Variants in DISC1 observed in about 807,000 individuals in gnomAD.
The protein encoded by DISC1 is DISC1 scaffold protein, also known as disrupted in schizophrenia 1 protein.
In DISC1, 57 loss-of-function variants were observed where a neutral mutation model predicts 84.5. The observed-to-expected ratio is 0.67, with a 90% CI of 0.55 to 0.84. The LOEUF is 0.84. Among genes scored for constraint, DISC1 ranks in the 40% least tolerant of loss-of-function variants. The probability of loss-of-function intolerance (pLI) is 0.00; values close to 1 mark genes in which losing one functional copy is unlikely to be tolerated. For synonymous variants in DISC1, 411 were observed against 415.2 expected (o/e 0.99, Z 0.12); for missense variants, 1,000 against 1,057.8 (o/e 0.95, Z 0.76).
intron 3 of DISC1, among the ~76,000 whole-genome samples, chr1:231,704,979 A>C (rs893372932): frequency 6.6e-6 from 1 of 152,074 alleles, no homozygotes; most frequent in African/African-American, 2.4e-5. Context: ...TATGCAGTCC[A>C]GGAGGGGAAA....
At position 231,833,705 on chromosome 1, in the gene DISC1, T is replaced by G. The variant is rs560360855; in HGVS notation, c.1981+15188T>G. Among the ~76,000 whole-genome samples the G allele has an allele frequency of 1.8e-4, 28 of 152,322 alleles. No homozygotes were observed. In the South Asian group the frequency reaches 5.6e-3, roughly 30 times the overall value. ...CTGGGGGAGGCAGGCCTGGAGGAAC[T>G]CCTGGTCACTGCGGTTTAGGCATTT... On this transcript the variant is annotated intron_variant, in intron 9 of 12. Coordinates refer to ENST00000439617, the MANE Select transcript of DISC1 (RefSeq NM_018662.3).
At chr1:231,713,814 A>G (rs2068276114) in intron 3 of DISC1, among the ~76,000 whole-genome samples, 1 of 144,210 alleles carries the variant, frequency 6.9e-6, no homozygotes, top group Non-Finnish European at 1.5e-5. Flanking sequence ...TATAGGAGAT[A>G]TATATATAGG....
chr1:231,637,237 C>G (rs1353109481), intron 1 of DISC1, among the ~76,000 whole-genome samples: 2 of 152,164 alleles, frequency 1.3e-5, no homozygotes, highest in Non-Finnish European at 2.9e-5. Context: ...TAAGTCTTTG[C>G]TATTGTACAT....
chr1:231,673,701 T>C (rs1447572327), intron 1 of DISC1, among the ~76,000 whole-genome samples: 1 of 152,216 alleles, frequency 6.6e-6, no homozygotes, highest in African/African-American at 2.4e-5. Context: ...CTGGGAAGCA[T>C]GAAGATCTTT....
intron 3 of DISC1, among the ~76,000 whole-genome samples, chr1:231,729,863 T>G (rs557224305): frequency 6.6e-6 from 1 of 152,298 alleles, no homozygotes; most frequent in South Asian, 2.1e-4. Context: ...ATTTGTCCAT[T>G]CCAGAAAGGG....
intron 9 of DISC1, among the ~76,000 whole-genome samples, chr1:231,859,451 G>T (rs2084495249): frequency 6.6e-6 from 1 of 152,178 alleles, no homozygotes; most frequent in African/African-American, 2.4e-5. Context: ...TCCCATTCTG[G>T]AAGGGGCGAG....
At chr1:231,900,367 T>C (rs959740365) in intron 9 of DISC1, among the ~76,000 whole-genome samples, 4 of 152,196 alleles carry the variant, frequency 2.6e-5, no homozygotes, top group African/African-American at 4.8e-5. Flanking sequence ...AAGCAGTGGG[T>C]GCAGTTAGAA....
intron 9 of DISC1, among the ~76,000 whole-genome samples, chr1:231,831,192 T>C (rs1429928787): frequency 6.6e-6 from 1 of 152,128 alleles, no homozygotes; most frequent in Non-Finnish European, 1.5e-5. Flanking sequence ...ATCCCCGGGC[T>C]TGATGTGTAG....
chr1:231,898,954 A>G (rs2087925966), intron 9 of DISC1, among the ~76,000 whole-genome samples: 1 of 151,918 alleles, frequency 6.6e-6, no homozygotes, highest in South Asian at 2.1e-4. Flanking sequence ...ACAAAAAATG[A>G]AACAAAACAA....
At chr1:231,704,541 G>C (rs1171538379) in intron 3 of DISC1, among the ~76,000 whole-genome samples, 1 of 152,018 alleles carries the variant, frequency 6.6e-6, no homozygotes, top group Non-Finnish European at 1.5e-5. Context: ...TGGATCACGA[G>C]GTCAGGAGAT....
At chr1:231,658,643 G>C (rs370395681) in intron 1 of DISC1, among the ~76,000 whole-genome samples, 4 of 152,152 alleles carry the variant, frequency 2.6e-5, no homozygotes, top group Admixed American at 2.6e-4. Flanking sequence ...TTATTTTGAG[G>C]TATGTTCCTT....
At chr1:231,994,775 G>A (rs1169589859) in intron 10 of DISC1, among the ~76,000 whole-genome samples, 1 of 152,128 alleles carries the variant, frequency 6.6e-6, no homozygotes, top group Non-Finnish European at 1.5e-5. Context: ...GTTTTGGAAA[G>A]AATGGTTTTA....
At chr1:231,931,994 C>G (rs887253680) in intron 9 of DISC1, among the ~76,000 whole-genome samples, 1 of 151,950 alleles carries the variant, frequency 6.6e-6, no homozygotes, top group Non-Finnish European at 1.5e-5. Context: ...CGTGGGGAGC[C>G]CGACTATTTG....
chr1:231,817,015 C>G (rs894098644), intron 8 of DISC1, among the ~76,000 whole-genome samples: 1 of 152,046 alleles, frequency 6.6e-6, no homozygotes, highest in African/African-American at 2.4e-5. Flanking sequence ...GTTGCCCAGA[C>G]AAGAGTGTAG....
chr1:231,991,843 C>G (rs1229986896), intron 10 of DISC1, among the ~76,000 whole-genome samples: 5 of 152,114 alleles, frequency 3.3e-5, no homozygotes, highest in Non-Finnish European at 7.4e-5. Flanking sequence ...CCAGAAATAT[C>G]TCCCTCATGT....
chr1:231,781,481 A>G (rs1390839749), intron 6 of DISC1, among the ~76,000 whole-genome samples: 1 of 152,202 alleles, frequency 6.6e-6, no homozygotes, highest in African/African-American at 2.4e-5. Flanking sequence ...CCCATGGATT[A>G]TCAAAGATGA....
intron 9 of DISC1, among the ~76,000 whole-genome samples, chr1:231,831,672 A>G (rs1395643326): frequency 2.0e-5 from 3 of 152,226 alleles, no homozygotes; most frequent in Non-Finnish European, 4.4e-5. Flanking sequence ...TTTTTATTAG[A>G]GGCATTAATG....
chr1:231,750,634 A>C, intron 4 of DISC1: 4 of 973,172 alleles, frequency 4.1e-6, no homozygotes, highest in Non-Finnish European at 4.9e-6. Flanking sequence ...TTTAAAACCT[A>C]CCAATGTCCA....
At chr1:231,644,003 A>G (rs549421287) in intron 1 of DISC1, among the ~76,000 whole-genome samples, 5 of 152,254 alleles carry the variant, frequency 3.3e-5, no homozygotes, top group East Asian at 1.9e-4. Context: ...AATTTGCACA[A>G]TGGTACCATA....
Sources: gnomAD v4.1 joint callset for allele counts (sites outside exome capture counted in the v4.1 genomes callset) on GRCh38, gnomAD v4.1.1 for gene constraint, MANE v1.5 for transcripts, NCBI Gene and HGNC (gene_info 2026-07-23, HGNC 2026-07-21) for gene names.